The following FKTN variants were observed in gnomAD, a reference collection of about 807,000 sequenced individuals.
The protein encoded by FKTN is fukutin.
In FKTN, 47 loss-of-function variants were observed where a neutral mutation model predicts 58.6. That is an observed-to-expected ratio of 0.80 (90% CI 0.63 to 1.02). FKTN has a LOEUF of 1.02. FKTN is among the 50% of genes least tolerant of loss of function. FKTN has a pLI of 0.00. For missense variants in FKTN, 516 were observed against 537.3 expected (o/e 0.96, Z 0.39); for synonymous variants, 178 against 191.9 (o/e 0.93, Z 0.60).
chr9:105,558,574 A>G (rs1032536808), intron 1 of FKTN, among the ~76,000 whole-genome samples: 3 of 151,822 alleles, frequency 2.0e-5, no homozygotes, highest in Non-Finnish European at 2.9e-5. Context: ...CCTGAAATTT[A>G]CAATTTCTCA....
chr9:105,608,384 G>T (rs1399540807), intron 7 of FKTN, among the ~76,000 whole-genome samples: 2 of 152,134 alleles, frequency 1.3e-5, no homozygotes, highest in Admixed American at 6.6e-5. Flanking sequence ...ATTTATGAAG[G>T]TTTTTGAAGA....
chr9:105,588,549 G>C (rs59248402), intron 3 of FKTN, among the ~76,000 whole-genome samples: 2,766 of 152,328 alleles, frequency 0.018, 75 homozygotes, highest in African/African-American at 0.063. Flanking sequence ...GAAGGGGAGA[G>C]AGGTTAAGAA....
intron 10 of FKTN, among the ~76,000 whole-genome samples, chr9:105,625,945 A>C (rs1832685170): frequency 6.6e-6 from 1 of 152,042 alleles, no homozygotes; most frequent in African/African-American, 2.4e-5. Context: ...CTGGTATTAC[A>C]GTTTAGTTTT....
At position 105,607,902 on chromosome 9, in the gene FKTN, A is replaced by T; in HGVS notation, c.731A>T (p.His244Leu). The T allele has an allele frequency of 6.2e-7, 1 of 1,611,726 alleles. No individual in the cohort carries two copies. Among genetic ancestry groups the T allele is most frequent in the Non-Finnish European group, 8.5e-7 (1 of 1,177,986 alleles). ...DPMHFVEEVP[H>L]SRFIECRYKE... ...ATGCACTTTGTAGAAGAAGTACCAC[A>T]CTCTAGGTTTATTGAGTGTAGGTAT... Residue 244 changes from histidine to leucine, a missense_variant, in exon 7 of 11, where the codon CAC becomes CTC. Coordinates refer to ENST00000357998, the MANE Select transcript of FKTN (RefSeq NM_001079802.2).
chr9:105,612,098 C>A (rs926555653), intron 7 of FKTN, among the ~76,000 whole-genome samples: 1 of 151,340 alleles, frequency 6.6e-6, no homozygotes, highest in Non-Finnish European at 1.5e-5. Context: ...TAGATAGTAT[C>A]GTATTGTTTT....
intron 1 of FKTN, among the ~76,000 whole-genome samples, chr9:105,567,308 C>A (rs182890729): frequency 1.7e-4 from 26 of 152,198 alleles, no homozygotes; most frequent in African/African-American, 5.5e-4. Flanking sequence ...GGCAATCAGG[C>A]AGGAGAAAGA....
At chr9:105,594,759 A>G (rs1826442129) in intron 3 of FKTN, among the ~76,000 whole-genome samples, 2 of 152,288 alleles carry the variant, frequency 1.3e-5, no homozygotes, top group East Asian at 3.9e-4. Context: ...AATAGTAATA[A>G]TAATAAAGTG....
intron 10 of FKTN, 127 bp downstream of exon 10, chr9:105,620,188 C>A (rs749387500): frequency 1.1e-5 from 8 of 750,992 alleles, no homozygotes; most frequent in Non-Finnish European, 1.8e-5. Context: ...CTAACACTTT[C>A]TTAGCTTACC....
rs143838454 is a variant in FKTN at position 105,561,327 on chromosome 9, TAC to T, written c.-181+3164_-181+3165del. On this transcript the variant is annotated intron_variant, in intron 1 of 10. Transcript: ENST00000357998. ...AAAAATGGGGAGACATTAACATAATTACATGTGGGCTCTAGTAAATGAATATT... is the reference window on the plus strand; with the variant it reads ...AAAAATGGGGAGACATTAACATAATTATGTGGGCTCTAGTAAATGAATATT... Among the ~76,000 whole-genome samples, 1,380 of 152,242 alleles carry T rather than the reference TAC, an allele frequency of 9.1e-3. 22 individuals carry two copies. Among genetic ancestry groups the T allele is most frequent in the African/African-American group, 0.032 (1,322 of 41,540 alleles).
chr9:105,595,216 TTGGAGTGATTAAAATATTC>T (rs1826549843), intron 3 of FKTN, among the ~76,000 whole-genome samples: 1 of 152,168 alleles, frequency 6.6e-6, no homozygotes, highest in African/African-American at 2.4e-5. Flanking sequence ...TAGTTTCTTT[TTGGAGTGATTAAAATATTC>T]TGGAATTAGA....
In FKTN at chr9:105,574,931, T is replaced by C; in HGVS notation, c.-88-14T>C. 4.0e-6 allele frequency: 3 copies of C among 740,892 alleles called. No individual in the cohort carries two copies. In the South Asian group the frequency reaches 4.5e-5, roughly 11 times the overall value. 45.9% of individuals were successfully genotyped at this position (740,892 alleles called of 1,614,324 possible). ...AGGTTTTTGTTTCTTTAAAAATATC[T>C]TTTTTGTTCACAGAAAACAAAATTA... On this transcript the variant is annotated splice_polypyrimidine_tract_variant and intron_variant, in intron 2 of 10. Transcript: ENST00000357998.
Position 105,635,861 on chromosome 9 carries a change from A to G in FKTN, c.*597A>G, listed in dbSNP as rs1226269601. ...AGGCATTATTCTTTTAGGGAAGGTG[A>G]GAGCTTATTTGTATCAGAGCTTATT... On this transcript the variant is annotated 3_prime_UTR_variant, in exon 11 of 11. Transcript: ENST00000357998. The G allele has an allele frequency of 2.0e-6, 2 of 993,330 alleles. No individual in the cohort carries two copies. The highest frequency in any genetic ancestry group is 2.4e-6 in the Non-Finnish European group (2 of 833,966). The allele number at this position is 993,330 out of a possible 1,614,324, so 61.5% of individuals were successfully genotyped here. A position where few individuals can be genotyped will look rare whatever the true frequency, so the allele number is the denominator to read the frequency against.
chr9:105,626,981 C>CTTTTTT (rs60710867), intron 10 of FKTN, among the ~76,000 whole-genome samples: 139 of 128,022 alleles, frequency 1.1e-3, no homozygotes, highest in African/African-American at 3.9e-3. Context: ...CTTCTTTATT[C>CTTTTTT]TTTTTTTTTT....
chr9:105,614,143 AG>A (rs1348175974), intron 7 of FKTN, among the ~76,000 whole-genome samples: 2 of 152,222 alleles, frequency 1.3e-5, no homozygotes, highest in Non-Finnish European at 2.9e-5. Flanking sequence ...CAAGAAGTTT[AG>A]ATTTTGTCCC....
intron 7 of FKTN, among the ~76,000 whole-genome samples, chr9:105,613,465 A>G (rs10816283): frequency 0.13 from 19,386 of 152,206 alleles, 1,612 homozygotes; most frequent in East Asian, 0.46. Flanking sequence ...TCCATCCAGG[A>G]TCTATATTCT....
chr9:105,571,792 C>T (rs775895658), intron 1 of FKTN, among the ~76,000 whole-genome samples: 1 of 152,034 alleles, frequency 6.6e-6, no homozygotes, highest in Non-Finnish European at 1.5e-5. Flanking sequence ...TGTGAGCTGC[C>T]CTCATCAGAG....
At chr9:105,574,233 A>C (rs992245744) in intron 2 of FKTN, 4 of 152,092 alleles carry the variant, frequency 2.6e-5, no homozygotes, top group African/African-American at 9.7e-5. Context: ...TTAGATATCA[A>C]GCATAAGAGA....
chr9:105,609,098 C>T (rs1829434373), intron 7 of FKTN, among the ~76,000 whole-genome samples: 1 of 152,072 alleles, frequency 6.6e-6, no homozygotes, highest in African/African-American at 2.4e-5. Context: ...TTTTATTTAC[C>T]TGTGTTGGCC....
chr9:105,572,099 G>T (rs985228432), intron 1 of FKTN, among the ~76,000 whole-genome samples: 5 of 152,046 alleles, frequency 3.3e-5, no homozygotes, highest in African/African-American at 1.2e-4. Flanking sequence ...GATTGATATT[G>T]TTTTCACAGT....
Sources: gnomAD v4.1 joint callset for allele counts (sites outside exome capture counted in the v4.1 genomes callset) on GRCh38, gnomAD v4.1.1 for gene constraint, MANE v1.5 for transcripts, NCBI Gene and HGNC (gene_info 2026-07-23, HGNC 2026-07-21) for gene names.